NRXN1: variants seen among roughly 807,000 people sequenced by gnomAD.
NRXN1 encodes neurexin-1.
NRXN1 carries 39 observed loss-of-function variants against 150.9 expected under a neutral mutation model. The ratio of observed to expected loss-of-function variants is 0.26; its 90% CI spans 0.20 to 0.34. The LOEUF is 0.34. Ranked by LOEUF, NRXN1 falls within the 10% of genes least tolerant of loss-of-function variation. The pLI, the probability that NRXN1 is intolerant of heterozygous loss-of-function variation, is 1.00. For synonymous variants in NRXN1, 924 were observed against 757.0 expected (o/e 1.22, Z -3.62); for missense variants, 1,815 against 1,949.9 (o/e 0.93, Z 1.30).
At chr2:50,282,434 C>T (rs957927602) in intron 17 of NRXN1, among the ~76,000 whole-genome samples, 2 of 152,096 alleles carry the variant, frequency 1.3e-5, no homozygotes, top group Non-Finnish European at 2.9e-5. Flanking sequence ...TCTTTTTCAA[C>T]CAAATTCTGT....
intron 5 of NRXN1, among the ~76,000 whole-genome samples, chr2:50,854,833 T>C (rs1361894936): frequency 6.6e-6 from 1 of 152,056 alleles, no homozygotes; most frequent in African/African-American, 2.4e-5. Context: ...AAATTACTTT[T>C]ATGTGGTTTC....
chr2:50,796,390 AAT>A (rs1706833170), intron 5 of NRXN1, among the ~76,000 whole-genome samples: 1 of 152,150 alleles, frequency 6.6e-6, no homozygotes, highest in South Asian at 2.1e-4. Context: ...CCACACGGGT[AAT>A]ATATGTGTTG....
At chr2:50,617,133 A>C (rs558806848) in intron 8 of NRXN1, among the ~76,000 whole-genome samples, 1 of 152,236 alleles carries the variant, frequency 6.6e-6, no homozygotes, top group South Asian at 2.1e-4. Flanking sequence ...ACTATCAACA[A>C]CTAAAAAGCC....
intron 17 of NRXN1, among the ~76,000 whole-genome samples, chr2:50,248,447 G>T (rs1319961739): frequency 3.3e-5 from 5 of 152,126 alleles, no homozygotes; most frequent in Non-Finnish European, 7.4e-5. Flanking sequence ...TTAGAGGTGG[G>T]CAGAAGACAT....
intron 18 of NRXN1, among the ~76,000 whole-genome samples, chr2:50,123,367 G>T (rs982210844): frequency 2.0e-5 from 3 of 152,156 alleles, no homozygotes; most frequent in African/African-American, 7.2e-5. Flanking sequence ...GGCAAGGAAA[G>T]ACTACATAGA....
chr2:50,821,978 C>T (rs1017336993), intron 5 of NRXN1, among the ~76,000 whole-genome samples: 4 of 152,188 alleles, frequency 2.6e-5, no homozygotes, highest in Non-Finnish European at 5.9e-5. Context: ...CGTATACTCA[C>T]AGGTAAGTGC....
intron 8 of NRXN1, among the ~76,000 whole-genome samples, chr2:50,602,846 A>G (rs1437881442): frequency 6.6e-6 from 1 of 152,220 alleles, no homozygotes; most frequent in Non-Finnish European, 1.5e-5. Context: ...GTGTGATCAT[A>G]GGACCAACTA....
chr2:50,786,224 T>A (rs1314337406), intron 5 of NRXN1, among the ~76,000 whole-genome samples: 1 of 152,054 alleles, frequency 6.6e-6, no homozygotes, highest in African/African-American at 2.4e-5. Flanking sequence ...CTTGTGCACA[T>A]AATGAGGGCC....
chr2:50,709,806 A>C lies in NRXN1; in HGVS notation c.833-86191T>G, dbSNP rs1694916091. ...AATGTTAGAACTTTGGCTCATATTA[A>C]ATTACTTGACCATTCTTAGAAGGAG... On this transcript the variant is annotated intron_variant, in intron 5 of 22. Coordinates refer to ENST00000401669, the MANE Select transcript of NRXN1 (RefSeq NM_001330078.2). 3.3e-5 allele frequency among the ~76,000 whole-genome samples: 5 copies of C among 152,146 alleles called. 1 individual carries two copies. The South Asian group carries it at 1.0e-3, about 32-fold the overall frequency.
intron 22 of NRXN1, among the ~76,000 whole-genome samples, chr2:49,940,948 C>G (rs1026714314): frequency 6.6e-6 from 1 of 152,002 alleles, no homozygotes; most frequent in African/African-American, 2.4e-5. Flanking sequence ...TGAGGAGGGA[C>G]AAACTGAAAG....
At chr2:50,637,806 G>C (rs1478203078) in intron 5 of NRXN1, among the ~76,000 whole-genome samples, 1 of 152,022 alleles carries the variant, frequency 6.6e-6, no homozygotes, top group East Asian at 1.9e-4. Flanking sequence ...GAGAATGGCT[G>C]TGAGGGGACA....
intron 15 of NRXN1, among the ~76,000 whole-genome samples, chr2:50,492,536 A>G (rs2091312075): frequency 6.6e-6 from 1 of 152,184 alleles, no homozygotes; most frequent in South Asian, 2.1e-4. Flanking sequence ...GCATCACTAT[A>G]AAAGCCAACT....
intron 17 of NRXN1, among the ~76,000 whole-genome samples, chr2:50,407,962 G>A (rs1307703004): frequency 6.6e-6 from 1 of 152,092 alleles, no homozygotes; most frequent in Non-Finnish European, 1.5e-5. Context: ...TTTAACATCT[G>A]TTGTATGTTT....
intron 17 of NRXN1, among the ~76,000 whole-genome samples, chr2:50,304,641 T>C (rs1403564783): frequency 2.6e-5 from 4 of 151,922 alleles, no homozygotes; most frequent in Non-Finnish European, 4.4e-5. Flanking sequence ...TGGAAGCAGA[T>C]CTTATTAATT....
At chr2:50,313,537 A>T (rs574428227) in intron 17 of NRXN1, among the ~76,000 whole-genome samples, 1 of 152,020 alleles carries the variant, frequency 6.6e-6, no homozygotes, top group East Asian at 1.9e-4. Context: ...CAAGCATTAG[A>T]CCCCGTAGAC....
chr2:50,811,757 A>T (rs1668244532), intron 5 of NRXN1, among the ~76,000 whole-genome samples: 1 of 152,188 alleles, frequency 6.6e-6, no homozygotes, highest in African/African-American at 2.4e-5. Flanking sequence ...CTAAAAGAAG[A>T]TAAAAATCTA....
chr2:50,561,119 T>G (rs72835368), intron 8 of NRXN1, among the ~76,000 whole-genome samples: 29 of 152,344 alleles, frequency 1.9e-4, no homozygotes, highest in Non-Finnish European at 3.7e-4. Flanking sequence ...CCTCCTGCTT[T>G]GTCCTTCCTT....
intron 21 of NRXN1, chr2:49,944,986 A>G (rs1672633627): frequency 6.6e-6 from 1 of 152,216 alleles, no homozygotes; most frequent in Non-Finnish European, 1.5e-5. Flanking sequence ...TGAAAAATGG[A>G]GACGAGGGGT....
chr2:50,931,544 A>C (rs1046701961), intron 2 of NRXN1, among the ~76,000 whole-genome samples: 1 of 152,096 alleles, frequency 6.6e-6, no homozygotes, highest in Admixed American at 6.6e-5. Context: ...CAAATTAAAA[A>C]TATTTTATAT....
Sources: gnomAD v4.1 joint callset for allele counts (sites outside exome capture counted in the v4.1 genomes callset) on GRCh38, gnomAD v4.1.1 for gene constraint, MANE v1.5 for transcripts, NCBI Gene and HGNC (gene_info 2026-07-23, HGNC 2026-07-21) for gene names.